Variants in PCDHGB1 observed in about 807,000 individuals in gnomAD.
The protein encoded by PCDHGB1 is protocadherin gamma-B1.
Under a neutral mutation model 56.6 loss-of-function variants are expected in PCDHGB1, and 34 were observed. That is an observed-to-expected ratio of 0.60 (90% CI 0.46 to 0.80). PCDHGB1 has a LOEUF of 0.80. Among genes scored for constraint, PCDHGB1 ranks in the 30% least tolerant of loss-of-function variants. The pLI is 0.00. For synonymous variants in PCDHGB1, 561 were observed against 505.9 expected, an observed-to-expected ratio of 1.11 and a Z score of -1.46; for missense variants, 1,278 against 1,204.6, an observed-to-expected ratio of 1.06 and a Z score of -0.90.
Position 141,378,772 on chromosome 5 carries a change from A to G in PCDHGB1, c.2409+26103A>G, listed in dbSNP as rs1588863408. 6 of 152,352 alleles carry G rather than the reference A, an allele frequency of 3.9e-5. No individual in the cohort carries two copies. The South Asian group carries it at 1.2e-3, about 32-fold the overall frequency. 9.4% of individuals were successfully genotyped at this position (152,352 alleles called of 1,614,324 possible). A position where few individuals can be genotyped will look rare whatever the true frequency, so the allele number is the denominator to read the frequency against. ...AAAGGGATTATCATTTAGAAGACTG[A>G]TTAGTCTTATTTATTATGACTGAAA... On this transcript the variant is annotated intron_variant, in intron 1 of 3. Transcript: ENST00000523390.
At chr5:141,447,613 A>G (rs1169186870) in intron 1 of PCDHGB1, among the ~76,000 whole-genome samples, 1 of 152,186 alleles carries the variant, frequency 6.6e-6, no homozygotes, top group Admixed American at 6.5e-5. Context: ...TTAGCATTTT[A>G]AAGTTGAAAC....
intron 1 of PCDHGB1, chr5:141,414,478 C>T (rs977591382): frequency 5.6e-6 from 9 of 1,613,884 alleles, no homozygotes; most frequent in Non-Finnish European, 3.4e-6. Flanking sequence ...GGGAAGTCCT[C>T]CTCTATCAAC....
chr5:141,437,617 C>T (rs570138576), intron 1 of PCDHGB1, among the ~76,000 whole-genome samples: 1 of 152,102 alleles, frequency 6.6e-6, no homozygotes, highest in Admixed American at 6.6e-5. Flanking sequence ...CTGCTTTATC[C>T]CCATATAAGA....
At position 141,489,068 on chromosome 5, in the gene PCDHGB1, G is replaced by GGCCCC; in HGVS notation, c.2410-5739_2410-5738insGCCCC. On this transcript the variant is annotated intron_variant, in intron 1 of 3. Coordinates refer to ENST00000523390, the MANE Select transcript of PCDHGB1 (RefSeq NM_018922.3). This position sits in a 1 kb window ranked among gnomAD's most constrained non-coding sequence, Gnocchi z 4.5. ...CTCAAATTCAGCTCCCCTCCCCCCT[G>GGCCCC]CCCACCCCCGCCACTCGGTGACTAA... 3.4e-6 allele frequency: 1 copy of GGCCCC among 291,558 alleles called. No individual in the cohort carries two copies. 18.1% of individuals were successfully genotyped at this position (291,558 alleles called of 1,614,324 possible). A position where few individuals can be genotyped will look rare whatever the true frequency, so the allele number is the denominator to read the frequency against.
intron 1 of PCDHGB1, chr5:141,403,131 C>T: frequency 5.6e-6 from 9 of 1,614,034 alleles, no homozygotes; most frequent in Non-Finnish European, 6.8e-6. Context: ...CGGGAGCTGG[C>T]GGAGCGCCGA....
intron 1 of PCDHGB1, chr5:141,410,361 G>A: frequency 1.9e-6 from 3 of 1,614,034 alleles, no homozygotes; most frequent in Non-Finnish European, 2.5e-6. Context: ...CGCTCTCTCA[G>A]CCCTGCTACT....
intron 1 of PCDHGB1, chr5:141,415,216 A>C: frequency 6.2e-7 from 1 of 1,614,086 alleles, no homozygotes; most frequent in African/African-American, 1.3e-5. Flanking sequence ...GGACCTCGGC[A>C]GCTTCGAGTC....
intron 1 of PCDHGB1, chr5:141,421,282 A>G (rs762064258): frequency 7.4e-6 from 12 of 1,613,034 alleles, no homozygotes; most frequent in Non-Finnish European, 1.0e-5. Context: ...GCTGCTGTGC[A>G]TTTTCCTGGG....
chr5:141,422,909 C>T (rs1260941191), intron 1 of PCDHGB1: 1 of 1,614,252 alleles, frequency 6.2e-7, no homozygotes, highest in East Asian at 2.2e-5. Flanking sequence ...GACAATGCGC[C>T]CGAGATCCTG....
intron 1 of PCDHGB1, chr5:141,427,176 G>A (rs777424789): frequency 2.2e-6 from 1 of 456,742 alleles, no homozygotes; most frequent in Non-Finnish European, 4.4e-6. Context: ...TCAAAATGGG[G>A]AAATTAAATC....
chr5:141,433,164 A>G, intron 1 of PCDHGB1: 3 of 1,613,600 alleles, frequency 1.9e-6, no homozygotes, highest in Non-Finnish European at 2.5e-6. Context: ...TTTTCTAAAG[A>G]CAGTCATGGG....
intron 1 of PCDHGB1, chr5:141,365,106 C>T (rs1561533210): frequency 6.2e-7 from 1 of 1,613,862 alleles, no homozygotes; most frequent in Non-Finnish European, 8.5e-7. Context: ...CCTGTGGGCA[C>T]TCGGCTGCTC....
chr5:141,383,786 C>T, intron 1 of PCDHGB1: 1 of 1,613,928 alleles, frequency 6.2e-7, no homozygotes, highest in South Asian at 1.1e-5. Context: ...CATCTGAACT[C>T]GCTTACAGGA....
chr5:141,457,127 C>G (rs2098910262), intron 1 of PCDHGB1, among the ~76,000 whole-genome samples: 1 of 152,200 alleles, frequency 6.6e-6, no homozygotes, highest in Admixed American at 6.5e-5. Flanking sequence ...AATGGAAACT[C>G]TGTCCAATAT....
chr5:141,387,732 C>G (rs940812767), intron 1 of PCDHGB1: 1 of 1,279,212 alleles, frequency 7.8e-7, no homozygotes, highest in South Asian at 1.6e-5. Context: ...CAGCGCCAGC[C>G]TTTACACCGC....
chr5:141,413,965 C>G (rs2095696868), intron 1 of PCDHGB1: 2 of 1,613,292 alleles, frequency 1.2e-6, no homozygotes, highest in East Asian at 2.2e-5. Context: ...TGTGGGCACT[C>G]AGCTGCTGAC....
intron 1 of PCDHGB1, among the ~76,000 whole-genome samples, chr5:141,405,943 CATA>C (rs1017424287): frequency 6.6e-6 from 1 of 152,106 alleles, no homozygotes; most frequent in Non-Finnish European, 1.5e-5. Flanking sequence ...TTCATGTTCT[CATA>C]ATAATTAACC....
intron 1 of PCDHGB1, chr5:141,364,619 G>T (rs764798507): frequency 6.2e-6 from 10 of 1,614,152 alleles, no homozygotes; most frequent in Non-Finnish European, 8.5e-6. Context: ...GGAGCTCTGC[G>T]CTCAGAGCCC....
In PCDHGB1 at chr5:141,486,752, C is replaced by G. The variant is rs776406247; in HGVS notation, c.2410-8055C>G. On this transcript the variant is annotated intron_variant, in intron 1 of 3. Transcript: ENST00000523390. The surrounding 1 kb of genome is among the most constrained non-coding windows in gnomAD (Gnocchi z 5.0). ...TGCTACTCGATCCTTTGACTATGAG[C>G]AAACCCAGACACTGCAGTTTGAGGT... 6.2e-7 allele frequency: 1 copy of G among 1,614,244 alleles called. No individual in the cohort carries two copies. The highest frequency in any genetic ancestry group is 1.3e-5 in the African/African-American group (1 of 75,080).
Sources: gnomAD v4.1 joint callset for allele counts (sites outside exome capture counted in the v4.1 genomes callset) on GRCh38, gnomAD v4.1.1 for gene constraint, Gnocchi (gnomAD v3.1) non-coding constraint, MANE v1.5 for transcripts, NCBI Gene and HGNC (gene_info 2026-07-23, HGNC 2026-07-21) for gene names.